Variants in RAB27A observed in about 807,000 individuals in gnomAD.
The protein encoded by RAB27A is ras-related protein Rab-27A.
RAB27A carries 17 observed loss-of-function variants against 20.8 expected under a neutral mutation model. The observed-to-expected ratio is 0.82, with a 90% CI of 0.56 to 1.23. The LOEUF is 1.23. RAB27A is among the 50% of genes most tolerant of loss of function. The pLI, the probability that RAB27A is intolerant of heterozygous loss-of-function variation, is 0.00. For synonymous variants in RAB27A, 85 were observed against 92.8 expected (o/e 0.92, Z 0.48); for missense variants, 277 against 266.7 (o/e 1.04, Z -0.27).
intron 2 of RAB27A, among the ~76,000 whole-genome samples, chr15:55,311,859 C>A (rs2055022169): frequency 6.6e-6 from 1 of 152,114 alleles, no homozygotes; most frequent in Non-Finnish European, 1.5e-5. Context: ...CTTTGGAGAT[C>A]CCTTCGTGGT....
At chr15:55,308,273 C>T (rs2055006646) in intron 2 of RAB27A, among the ~76,000 whole-genome samples, 2 of 152,186 alleles carry the variant, frequency 1.3e-5, no homozygotes, top group South Asian at 2.1e-4. Flanking sequence ...CTCCTAATGG[C>T]TTCCTGATGT....
chr15:55,210,136 T>C (rs993301828), intron 6 of RAB27A, among the ~76,000 whole-genome samples: 2 of 125,710 alleles, frequency 1.6e-5, no homozygotes, highest in Non-Finnish European at 3.3e-5. Flanking sequence ...ATATAGTGTA[T>C]ATATGTATGT....
chr15:55,255,259 T>C (rs1389806562), intron 2 of RAB27A, among the ~76,000 whole-genome samples: 1 of 152,232 alleles, frequency 6.6e-6, no homozygotes, highest in Non-Finnish European at 1.5e-5. Flanking sequence ...ACTCTCACCC[T>C]GGAAGCCTGT....
chr15:55,277,927 C>A (rs1897917479), intron 1 of RAB27A, among the ~76,000 whole-genome samples: 1 of 152,164 alleles, frequency 6.6e-6, no homozygotes, highest in Non-Finnish European at 1.5e-5. Flanking sequence ...TCTTCTTCAA[C>A]CTGTTTCATC....
intron 2 of RAB27A, among the ~76,000 whole-genome samples, chr15:55,296,018 T>C (rs2054947228): frequency 6.6e-6 from 1 of 151,266 alleles, no homozygotes; most frequent in Non-Finnish European, 1.5e-5. Context: ...TGCCTCAGCC[T>C]CTCGAGTAGC....
chr15:55,288,437 CTTCAACCCAGGA>C lies in RAB27A; in HGVS notation c.-143+1267_-143+1278del, dbSNP rs1279468991. Among the ~76,000 whole-genome samples, 3 of 152,268 alleles carry C rather than the reference CTTCAACCCAGGA, an allele frequency of 2.0e-5. 1 individual carries two copies. The highest frequency in any genetic ancestry group is 7.2e-5 in the African/African-American group (3 of 41,548). ...TCTGGAGTCTGAAGCAAAAGAATCA[CTTCAACCCAGGA>C]AGCGGAGGTTGCTGTGAGCCAAGAT... On this transcript the variant is annotated intron_variant, in intron 1 of 6. Coordinates refer to ENST00000336787, the MANE Select transcript of RAB27A (RefSeq NM_183235.3).
At chr15:55,298,349 G>C (rs1451209079) in intron 2 of RAB27A, among the ~76,000 whole-genome samples, 1 of 152,126 alleles carries the variant, frequency 6.6e-6, no homozygotes, top group Non-Finnish European at 1.5e-5. Flanking sequence ...TTTTAAAGCT[G>C]GGCGACCGGG....
chr15:55,211,726 T>C (rs1203010068), intron 6 of RAB27A, among the ~76,000 whole-genome samples: 2 of 152,218 alleles, frequency 1.3e-5, no homozygotes, highest in Non-Finnish European at 2.9e-5. Context: ...TTAAGCGGTC[T>C]GATCAATGTT....
intron 2 of RAB27A, among the ~76,000 whole-genome samples, chr15:55,313,344 T>C (rs1490144922): frequency 2.0e-5 from 3 of 152,128 alleles, no homozygotes; most frequent in Non-Finnish European, 4.4e-5. Context: ...TTCAAGGTTA[T>C]AGCGAGCAAT....
At chr15:55,261,053 A>G (rs1897251305) in intron 2 of RAB27A, among the ~76,000 whole-genome samples, 1 of 152,048 alleles carries the variant, frequency 6.6e-6, no homozygotes, top group African/African-American at 2.4e-5. Context: ...GAATATATGG[A>G]AACTGTACTT....
chr15:55,225,573 G>A (rs927293058), intron 5 of RAB27A, among the ~76,000 whole-genome samples: 1 of 152,214 alleles, frequency 6.6e-6, no homozygotes, highest in Admixed American at 6.5e-5. Context: ...CCAGGTGACT[G>A]AGATGCACAT....
rs774234785 is a variant in RAB27A at position 55,229,128 on chromosome 15, T to A, written c.240-416A>T. On this transcript the variant is annotated intron_variant, in intron 4 of 6. Transcript: ENST00000336787. ...CATTTGTTTGGCTTGAAGGTAAGAA[T>A]CTCTTGACTCAGACCTTATTCTGTC... Among the ~76,000 whole-genome samples, 55 of 152,182 alleles carry A rather than the reference T, an allele frequency of 3.6e-4. 1 individual carries two copies. The highest frequency in any genetic ancestry group is 3.2e-3 in the Middle Eastern group (1 of 316).
intron 2 of RAB27A, among the ~76,000 whole-genome samples, chr15:55,300,134 G>A (rs886295078): frequency 1.3e-5 from 2 of 151,906 alleles, no homozygotes; most frequent in African/African-American, 4.8e-5. Context: ...CTAATTTCTT[G>A]ATCATTATAT....
At position 55,223,680 on chromosome 15, in the gene RAB27A, G is replaced by C. The variant is rs532835966; in HGVS notation, c.467+209C>G. Among the ~76,000 whole-genome samples the C allele has an allele frequency of 1.5e-4, 23 of 152,248 alleles. No homozygotes were observed. The East Asian group carries it at 2.7e-3, about 18-fold the overall frequency. ...GCAAATGCCAAGAGTTTGAGAAAAT[G>C]GGACCAAAGCACTGAAGGAGGCCCT... On this transcript the variant is annotated intron_variant, in intron 6 of 6. Coordinates refer to ENST00000336787, the MANE Select transcript of RAB27A (RefSeq NM_183235.3).
chr15:55,283,156 C>T (rs1004069017), intron 1 of RAB27A, among the ~76,000 whole-genome samples: 3 of 152,084 alleles, frequency 2.0e-5, no homozygotes, highest in African/African-American at 4.8e-5. Flanking sequence ...TTGTTGGGGG[C>T]TCTCCTGTGT....
chr15:55,295,695 A>G (rs1417245683), intron 2 of RAB27A, among the ~76,000 whole-genome samples: 1 of 152,112 alleles, frequency 6.6e-6, no homozygotes, highest in Admixed American at 6.6e-5. Context: ...GGCTAGGGAG[A>G]GGGAGAAATG....
chr15:55,244,321 AC>A (rs1301501982), intron 2 of RAB27A, among the ~76,000 whole-genome samples: 1 of 152,056 alleles, frequency 6.6e-6, no homozygotes, highest in Non-Finnish European at 1.5e-5. Flanking sequence ...TCTCAAAAAA[AC>A]AAACAAACAA....
At chr15:55,303,099 C>G (rs1341173401) in intron 2 of RAB27A, among the ~76,000 whole-genome samples, 3 of 139,774 alleles carry the variant, frequency 2.1e-5, no homozygotes, top group African/African-American at 8.0e-5. Flanking sequence ...GTCAGCCCCC[C>G]GCCTGGCCAG....
chr15:55,306,696 T>C (rs1595756663), intron 2 of RAB27A, among the ~76,000 whole-genome samples: 1 of 152,124 alleles, frequency 6.6e-6, no homozygotes, highest in African/African-American at 2.4e-5. Context: ...GTGTGGGCGG[T>C]GAAGGCGGGG....
Sources: gnomAD v4.1 joint callset for allele counts (sites outside exome capture counted in the v4.1 genomes callset) on GRCh38, gnomAD v4.1.1 for gene constraint, MANE v1.5 for transcripts, NCBI Gene and HGNC (gene_info 2026-07-23, HGNC 2026-07-21) for gene names.